The following MAN2A1 variants were observed in gnomAD, a reference collection of about 807,000 sequenced individuals.
The protein encoded by MAN2A1 is alpha-mannosidase 2.
In MAN2A1, 76 loss-of-function variants were observed where a neutral mutation model predicts 142.6. The observed-to-expected ratio is 0.53, with a 90% CI of 0.44 to 0.65. MAN2A1 has a LOEUF of 0.65. Ranked by LOEUF, MAN2A1 falls within the 30% of genes least tolerant of loss-of-function variation. The pLI is 0.00. For missense variants in MAN2A1, 1,311 were observed against 1,365.1 expected, an observed-to-expected ratio of 0.96 and a Z score of 0.62; for synonymous variants, 559 against 473.2, an observed-to-expected ratio of 1.18 and a Z score of -2.35.
At chr5:109,692,694 C>T (rs1750705406) in intron 1 of MAN2A1, among the ~76,000 whole-genome samples, 1 of 150,598 alleles carries the variant, frequency 6.6e-6, no homozygotes, top group African/African-American at 2.4e-5. Flanking sequence ...CTGCCATTTG[C>T]TTATGGAAAG....
At chr5:109,838,596 A>G (rs1755117634) in intron 16 of MAN2A1, among the ~76,000 whole-genome samples, 1 of 152,326 alleles carries the variant, frequency 6.6e-6, no homozygotes, top group South Asian at 2.1e-4. Context: ...ACAATTGGCA[A>G]TCCTTTCACT....
rs1216139084 is a variant in MAN2A1 at position 109,690,156 on chromosome 5, C to A, written c.-262C>A. On this transcript the variant is annotated 5_prime_UTR_variant, in exon 1 of 22. Transcript: ENST00000261483. ...GCTTGCGATCAAGTTTGTGGGGGCC[C>A]CCCTTCCCAGTTGCCGGCGAGTCTC... The A allele has an allele frequency of 2.3e-6, 1 of 441,902 alleles. No individual in the cohort carries two copies. The highest frequency in any genetic ancestry group is 4.1e-5 in the East Asian group (1 of 24,434). 27.4% of individuals were successfully genotyped at this position (441,902 alleles called of 1,614,324 possible). A position where few individuals can be genotyped will look rare whatever the true frequency, so the allele number is the denominator to read the frequency against.
At chr5:109,840,200 G>T in intron 16 of MAN2A1, 1 of 212,310 alleles carries the variant, frequency 4.7e-6, no homozygotes, top group Non-Finnish European at 9.5e-6. Flanking sequence ...CTTGATGATG[G>T]ATTCAAAAAA....
At chr5:109,839,144 C>A (rs1356231211) in intron 16 of MAN2A1, among the ~76,000 whole-genome samples, 1 of 152,164 alleles carries the variant, frequency 6.6e-6, no homozygotes, top group Admixed American at 6.5e-5. Flanking sequence ...CAGCTAAGCT[C>A]CCTAGTATTA....
intron 1 of MAN2A1, among the ~76,000 whole-genome samples, chr5:109,702,524 ACTCC>A (rs1262222462): frequency 1.3e-5 from 2 of 151,816 alleles, no homozygotes; most frequent in Admixed American, 6.6e-5. Flanking sequence ...GTAAAGAAAA[ACTCC>A]CTTCTGTTGG....
intron 1 of MAN2A1, chr5:109,699,910 A>T (rs993886624): frequency 6.6e-6 from 1 of 152,252 alleles, no homozygotes; most frequent in Non-Finnish European, 1.5e-5. Flanking sequence ...TTATGATATT[A>T]AATACCATGC....
At chr5:109,761,146 A>G (rs1277857056) in intron 5 of MAN2A1, among the ~76,000 whole-genome samples, 1 of 150,410 alleles carries the variant, frequency 6.6e-6, no homozygotes, top group African/African-American at 2.4e-5. Flanking sequence ...TATTTTATAT[A>G]ATTTCTTATT....
chr5:109,758,263 T>G (rs150055090), intron 5 of MAN2A1, among the ~76,000 whole-genome samples: 527 of 152,264 alleles, frequency 3.5e-3, no homozygotes, highest in Non-Finnish European at 5.5e-3. Flanking sequence ...ATTTGCATTT[T>G]CCTAAAGACT....
intron 16 of MAN2A1, among the ~76,000 whole-genome samples, chr5:109,842,125 C>T (rs987807397): frequency 2.0e-5 from 3 of 152,116 alleles, no homozygotes; most frequent in Admixed American, 6.5e-5. Flanking sequence ...ATAATATGCT[C>T]CCCTGAATAA....
At position 109,817,279 on chromosome 5, in the gene MAN2A1, T is replaced by C. The variant is rs1353601466; in HGVS notation, c.1950T>C (p.Leu650=). Residue 650 remains leucine, a synonymous_variant, in exon 13 of 22, where the codon CTT becomes CTC. Coordinates refer to ENST00000261483, the MANE Select transcript of MAN2A1 (RefSeq NM_002372.4). ...IIRLSAEPRY[L]VVYNPLEQDR... ...GAAGCAGCTGTTTTTGCAGGTACCT[T>C]GTGGTCTATAATCCTTTAGAACAAG... 1 of 1,613,620 alleles carries C rather than the reference T, an allele frequency of 6.2e-7. No individual in the cohort carries two copies. The highest frequency in any genetic ancestry group is 8.5e-7 in the Non-Finnish European group (1 of 1,179,822).
At chr5:109,807,891 A>G (rs957257181) in intron 12 of MAN2A1, among the ~76,000 whole-genome samples, 2 of 152,172 alleles carry the variant, frequency 1.3e-5, no homozygotes, top group Admixed American at 6.5e-5. Flanking sequence ...ACTTGAAGCT[A>G]TCTACTTCGC....
intron 4 of MAN2A1, among the ~76,000 whole-genome samples, chr5:109,749,411 T>C (rs1164969278): frequency 1.3e-5 from 2 of 152,156 alleles, no homozygotes; most frequent in Admixed American, 1.3e-4. Flanking sequence ...GCTTTCTGTA[T>C]CAAATTTCTC....
chr5:109,776,957 A>G (rs149669804), intron 8 of MAN2A1, among the ~76,000 whole-genome samples: 217 of 152,184 alleles, frequency 1.4e-3, no homozygotes, highest in African/African-American at 5.2e-3. Context: ...TATCTCTAGT[A>G]TTCATTTTTT....
intron 20 of MAN2A1, among the ~76,000 whole-genome samples, chr5:109,861,475 A>T (rs934417982): frequency 6.6e-5 from 10 of 152,096 alleles, no homozygotes; most frequent in Admixed American, 1.3e-4. Context: ...GCACCAACTT[A>T]ATACTTTGTT....
intron 12 of MAN2A1, among the ~76,000 whole-genome samples, chr5:109,810,252 C>G (rs1381952922): frequency 6.6e-6 from 1 of 151,964 alleles, no homozygotes; most frequent in Non-Finnish European, 1.5e-5. Context: ...TGTGATGCCT[C>G]TTAATTTCAT....
intron 12 of MAN2A1, among the ~76,000 whole-genome samples, chr5:109,810,210 T>C (rs528962574): frequency 1.3e-3 from 194 of 152,148 alleles, no homozygotes; most frequent in Non-Finnish European, 2.4e-3. Flanking sequence ...GTTTCTTTTT[T>C]TCTTGGTGTT....
In MAN2A1 at chr5:109,784,764, A is replaced by G. The variant is rs911478930; in HGVS notation, c.1598A>G (p.Tyr533Cys). 1 of 1,600,466 alleles carries G rather than the reference A, an allele frequency of 6.2e-7. No homozygotes were observed. ...ATTAGGGCTGCTGAAATTCTTTACT[A>G]TTTCGCCCTGAGACAAGCTCACAAA... ...SHLRAAEILY[Y>C]FALRQAHKYK... is the part of the protein sequence containing the mutation. Residue 533 changes from tyrosine to cysteine, a missense_variant, in exon 10 of 22, where the codon TAT becomes TGT. Around this residue, in one of 3 missense-constraint regions of MAN2A1, gnomAD observed 890 missense variants for 920.5 expected, o/e 0.97. Coordinates refer to ENST00000261483, the MANE Select transcript of MAN2A1 (RefSeq NM_002372.4).
chr5:109,701,769 G>T (rs1027369319), intron 1 of MAN2A1, among the ~76,000 whole-genome samples: 13 of 152,144 alleles, frequency 8.5e-5, no homozygotes, highest in African/African-American at 3.1e-4. Flanking sequence ...CTTTTTAACA[G>T]GTTTGATCAA....
intron 12 of MAN2A1, among the ~76,000 whole-genome samples, chr5:109,815,060 T>C (rs1307941138): frequency 3.9e-5 from 6 of 152,200 alleles, no homozygotes; most frequent in African/African-American, 1.4e-4. Flanking sequence ...AGTAAATCAC[T>C]CATTTCTGGG....
Sources: allele counts gnomAD v4.1 joint callset (sites outside exome capture counted in the v4.1 genomes callset), GRCh38; gene constraint gnomAD v4.1.1; regional missense constraint gnomAD v4.1.1; transcripts MANE v1.5; gene names NCBI Gene and HGNC (gene_info 2026-07-23, HGNC 2026-07-21).